The following ADARB2 variants were observed in gnomAD, a reference collection of about 807,000 sequenced individuals.
ADARB2 encodes adenosine deaminase RNA specific B2 (inactive).
Under a neutral mutation model 62.2 loss-of-function variants are expected in ADARB2, and 25 were observed. The ratio of observed to expected loss-of-function variants is 0.40; its 90% confidence interval spans 0.29 to 0.56. ADARB2 has a LOEUF of 0.56. ADARB2 is among the 20% of genes least tolerant of loss of function. The pLI, the probability that ADARB2 is intolerant of heterozygous loss-of-function variation, is 0.43. For missense variants in ADARB2, 1,071 were observed against 1,077.4 expected (o/e 0.99, Z 0.08); for synonymous variants, 572 against 500.8 (o/e 1.14, Z -1.90).
At chr10:1,481,656 AG>A (rs1831472823) in intron 1 of ADARB2, among the ~76,000 whole-genome samples, 1 of 152,026 alleles carries the variant, frequency 6.6e-6, no homozygotes, top group African/African-American at 2.4e-5. Flanking sequence ...CAGGAGTTCA[AG>A]ACCAGCCTGG....
intron 3 of ADARB2, among the ~76,000 whole-genome samples, chr10:1,355,905 T>C (rs1321966626): frequency 2.0e-5 from 3 of 152,228 alleles, no homozygotes; most frequent in Non-Finnish European, 4.4e-5. Flanking sequence ...ATACATATGT[T>C]ATAGAAATAT....
chr10:1,506,501 C>T (rs1455189728), intron 1 of ADARB2, among the ~76,000 whole-genome samples: 8 of 152,160 alleles, frequency 5.3e-5, no homozygotes, highest in Non-Finnish European at 7.4e-5. Context: ...TTAGTTTCAG[C>T]GACAGCCTGT....
chr10:1,706,369 G>A (rs756427289), intron 1 of ADARB2, among the ~76,000 whole-genome samples: 13 of 152,216 alleles, frequency 8.5e-5, no homozygotes, highest in Non-Finnish European at 1.9e-4. Flanking sequence ...CAGCTTGGGA[G>A]TAGAAGAGGT....
intron 6 of ADARB2, among the ~76,000 whole-genome samples, chr10:1,230,955 T>C (rs1364288983): frequency 6.6e-6 from 1 of 152,192 alleles, no homozygotes; most frequent in African/African-American, 2.4e-5. Flanking sequence ...TGTCTGGAAG[T>C]GAACCTCAGG....
intron 3 of ADARB2, among the ~76,000 whole-genome samples, chr10:1,353,374 C>A (rs1440906584): frequency 6.6e-6 from 1 of 152,192 alleles, no homozygotes; most frequent in Non-Finnish European, 1.5e-5. Flanking sequence ...ATTTCCCTTT[C>A]TTCCAGCGCC....
chr10:1,350,255 C>G (rs1290263797), intron 3 of ADARB2, among the ~76,000 whole-genome samples: 1 of 152,158 alleles, frequency 6.6e-6, no homozygotes, highest in Non-Finnish European at 1.5e-5. Context: ...CATCCCTAGT[C>G]TGTTCCCAAT....
At chr10:1,400,298 C>T (rs1243479534) in intron 1 of ADARB2, among the ~76,000 whole-genome samples, 2 of 152,164 alleles carry the variant, frequency 1.3e-5, no homozygotes, top group African/African-American at 2.4e-5. Flanking sequence ...GTCCGGGCAG[C>T]AGTTTTACCA....
intron 3 of ADARB2, among the ~76,000 whole-genome samples, chr10:1,300,095 C>T (rs1027261551): frequency 2.0e-5 from 3 of 152,208 alleles, no homozygotes; most frequent in Non-Finnish European, 4.4e-5. Context: ...TCCCACTCTG[C>T]CCTCCAGCTG....
At chr10:1,643,410 C>T (rs541461143) in intron 1 of ADARB2, among the ~76,000 whole-genome samples, 2 of 152,304 alleles carry the variant, frequency 1.3e-5, no homozygotes, top group Admixed American at 6.5e-5. Flanking sequence ...TTACACTTGA[C>T]GTGTTACATT....
chr10:1,711,546 A>AC (rs1834949036), intron 1 of ADARB2, among the ~76,000 whole-genome samples: 1 of 152,194 alleles, frequency 6.6e-6, no homozygotes, highest in African/African-American at 2.4e-5. Flanking sequence ...GTTTTCCTCC[A>AC]CTTGACAAAG....
intron 7 of ADARB2, among the ~76,000 whole-genome samples, chr10:1,214,921 G>A (rs1837213012): frequency 6.6e-6 from 1 of 152,240 alleles, no homozygotes; most frequent in African/African-American, 2.4e-5. Flanking sequence ...AGCCAGGAAG[G>A]AAAGGGCACC....
At chr10:1,446,503 A>G (rs1050148408) in intron 1 of ADARB2, among the ~76,000 whole-genome samples, 1 of 152,216 alleles carries the variant, frequency 6.6e-6, no homozygotes, top group Non-Finnish European at 1.5e-5. Context: ...TCAGTGGCAC[A>G]GTGGGTAAGT....
intron 3 of ADARB2, among the ~76,000 whole-genome samples, chr10:1,327,845 T>C (rs375849230): frequency 0.073 from 2,470 of 34,052 alleles, 570 homozygotes; most frequent in African/African-American, 0.22. Flanking sequence ...CACAGCTCAG[T>C]GCCTCCTCAC....
At chr10:1,733,324 A>G (rs1170873975) in intron 1 of ADARB2, among the ~76,000 whole-genome samples, 1 of 152,204 alleles carries the variant, frequency 6.6e-6, no homozygotes, top group Non-Finnish European at 1.5e-5. Flanking sequence ...AACTTCAGTC[A>G]TTTTACACAT....
rs144083468 is a variant in ADARB2, at chr10:1,602,043, C to T, written c.100+135008G>A. Among the ~76,000 whole-genome samples the T allele has an allele frequency of 4.7e-3, 717 of 152,228 alleles. 2 individuals are homozygous for T. Among genetic ancestry groups the T allele is most frequent in the African/African-American group, 0.016 (656 of 41,534 alleles). On this transcript the variant is annotated intron_variant, in intron 1 of 9. Coordinates refer to ENST00000381312, the MANE Select transcript of ADARB2 (RefSeq NM_018702.4). ...GCAGGAGGGCTCATGGGAACCGGTG[C>T]GTGTTGGGTGCTGTGTGCAAACGGA...
At chr10:1,509,972 C>A (rs141533386) in intron 1 of ADARB2, among the ~76,000 whole-genome samples, 1 of 152,030 alleles carries the variant, frequency 6.6e-6, no homozygotes, top group East Asian at 1.9e-4. Context: ...TCTTAAAATC[C>A]CATTTGCTTC....
chr10:1,347,144 TCCCAGCCCCGCAC>T (rs1264096982), intron 3 of ADARB2, among the ~76,000 whole-genome samples: 4 of 152,202 alleles, frequency 2.6e-5, no homozygotes, highest in Non-Finnish European at 5.9e-5. Flanking sequence ...TGCTCTGACT[TCCCAGCCCCGCAC>T]GCCAGCCCTC....
chr10:1,732,675 C>T (rs536376185), intron 1 of ADARB2, among the ~76,000 whole-genome samples: 1 of 152,352 alleles, frequency 6.6e-6, no homozygotes, highest in Non-Finnish European at 1.5e-5. Flanking sequence ...TGTGGGGCTC[C>T]GGCCGGCGGT....
At chr10:1,540,315 C>A (rs1334038039) in intron 1 of ADARB2, among the ~76,000 whole-genome samples, 1 of 152,142 alleles carries the variant, frequency 6.6e-6, no homozygotes, top group East Asian at 1.9e-4. Context: ...AAAATAAACT[C>A]AGTCTATGCC....
Sources: gnomAD v4.1 joint callset for allele counts (sites outside exome capture counted in the v4.1 genomes callset) on GRCh38, gnomAD v4.1.1 for gene constraint, MANE v1.5 for transcripts, NCBI Gene and HGNC (gene_info 2026-07-23, HGNC 2026-07-21) for gene names.